The following LRP1B variants were observed in gnomAD, a reference collection of about 807,000 sequenced individuals.
LRP1B encodes LDL receptor related protein 1B.
LRP1B carries 217 observed loss-of-function variants against 556.6 expected under a neutral mutation model. The observed-to-expected ratio is 0.39, with a 90% CI of 0.35 to 0.44. The LOEUF is 0.44. Ranked by LOEUF, LRP1B falls within the 20% of genes least tolerant of loss-of-function variation. LRP1B has a pLI of 1.00. For synonymous variants in LRP1B, 2,047 were observed against 1,865.8 expected, an observed-to-expected ratio of 1.10 and a Z score of -2.50; for missense variants, 5,053 against 5,620.8, an observed-to-expected ratio of 0.90 and a Z score of 3.23.
intron 3 of LRP1B, among the ~76,000 whole-genome samples, chr2:141,292,347 G>A (rs1006022112): frequency 1.3e-5 from 2 of 152,120 alleles, no homozygotes; most frequent in East Asian, 3.9e-4. Context: ...CTAGGGTGCA[G>A]AGATAACCAG....
intron 2 of LRP1B, among the ~76,000 whole-genome samples, chr2:141,485,769 T>C (rs1461665594): frequency 6.6e-5 from 10 of 152,146 alleles, no homozygotes; most frequent in Non-Finnish European, 8.8e-5. Context: ...CATGGGATAA[T>C]GGGGGCTTCA....
At chr2:141,936,252 A>G (rs1700633374) in intron 1 of LRP1B, among the ~76,000 whole-genome samples, 1 of 152,192 alleles carries the variant, frequency 6.6e-6, no homozygotes, top group African/African-American at 2.4e-5. Flanking sequence ...CAAAACAAAA[A>G]GAACTATTTA....
intron 25 of LRP1B, among the ~76,000 whole-genome samples, chr2:140,882,761 G>A (rs913358139): frequency 1.3e-5 from 2 of 152,154 alleles, no homozygotes; most frequent in Non-Finnish European, 2.9e-5. Context: ...CCAGGAGGCC[G>A]ACTTAGACAT....
chr2:141,448,595 G>C (rs139068785), intron 3 of LRP1B, among the ~76,000 whole-genome samples: 1 of 152,234 alleles, frequency 6.6e-6, no homozygotes, highest in East Asian at 1.9e-4. Context: ...ATCTGGGCCG[G>C]ATTGCACCAT....
At chr2:141,150,496 A>G (rs1701894189) in intron 7 of LRP1B, among the ~76,000 whole-genome samples, 1 of 152,148 alleles carries the variant, frequency 6.6e-6, no homozygotes, top group African/African-American at 2.4e-5. Context: ...CCATCTATGC[A>G]TGTCAGAATT....
At chr2:141,949,398 C>T (rs1366224207) in intron 1 of LRP1B, among the ~76,000 whole-genome samples, 1 of 151,906 alleles carries the variant, frequency 6.6e-6, no homozygotes, top group East Asian at 1.9e-4. Flanking sequence ...AAAAATTATC[C>T]ATATATATAT....
Position 140,249,610 on chromosome 2 carries a change from A to G in LRP1B, c.13248-2448T>C, listed in dbSNP as rs1219558366. On this transcript the variant is annotated intron_variant, in intron 86 of 90. Transcript: ENST00000389484. ...ATCTTAATGTGCTGATGATCACTTT[A>G]CCATTCTCCTTATACTCCTTATAAA... 2.0e-5 allele frequency among the ~76,000 whole-genome samples: 3 copies of G among 151,910 alleles called. No homozygotes were observed. The East Asian group carries it at 5.8e-4, about 30-fold the overall frequency.
At chr2:141,058,640 T>C (rs1180281613) in intron 9 of LRP1B, among the ~76,000 whole-genome samples, 1 of 151,848 alleles carries the variant, frequency 6.6e-6, no homozygotes, top group East Asian at 1.9e-4. Flanking sequence ...GAAAGCCCCT[T>C]CCTGAATCTA....
intron 41 of LRP1B, among the ~76,000 whole-genome samples, chr2:140,674,708 G>A (rs574901625): frequency 9.5e-4 from 144 of 152,268 alleles, no homozygotes; most frequent in African/African-American, 3.4e-3. Flanking sequence ...GTGTTCTCAG[G>A]ACCTCCTGAG....
At chr2:140,598,603 A>G (rs529282930) in intron 43 of LRP1B, 28 bp downstream of exon 43, 11 of 1,546,886 alleles carry the variant, frequency 7.1e-6, no homozygotes, top group Admixed American at 1.7e-5. Context: ...GTATAACTCT[A>G]TAACCAAGAA....
At chr2:140,245,615 G>A (rs1681119526) in intron 87 of LRP1B, among the ~76,000 whole-genome samples, 2 of 151,418 alleles carry the variant, frequency 1.3e-5, no homozygotes, top group African/African-American at 4.8e-5. Flanking sequence ...TGCTTTTAAC[G>A]ATTGTTGAGT....
Position 140,776,167 on chromosome 2 carries a change from G to A in LRP1B, c.5431C>T (p.Pro1811Ser), listed in dbSNP as rs1357921036. ...GAAGTCTTATTCCGTAGGATGGTGG[G>A]GTTTCTTCCGTCTCTTTTGCTGCAG... Reference protein sequence around the residue: ...GTCSKRDGRNPTILRNKTSGV... With the variant: ...GTCSKRDGRNSTILRNKTSGV... Residue 1811 changes from proline (P) to serine (S), a missense_variant, in exon 33 of 91, where the codon CCC (proline) becomes TCC (serine). Physicochemically the swap from Pro to Ser is moderately conservative, Grantham distance 74. Transcript: ENST00000389484. 1 of 1,597,692 alleles carries A rather than the reference G, an allele frequency of 6.3e-7. No homozygotes were observed. The highest frequency in any genetic ancestry group is 1.4e-5 in the African/African-American group (1 of 73,302).
At chr2:140,819,084 C>T (rs1469747108) in intron 31 of LRP1B, among the ~76,000 whole-genome samples, 2 of 152,124 alleles carry the variant, frequency 1.3e-5, no homozygotes, top group Non-Finnish European at 2.9e-5. Context: ...TTCTGGCAGC[C>T]TTGCCCTTGC....
Position 140,837,463 on chromosome 2 carries a change from T to C in LRP1B, c.5209+2528A>G, listed in dbSNP as rs1029585098. ...TGCTGATTTAAGGTATAGTCAGTTATGCTAAAATAGTATGTCTTGTACAAA... is the reference window on the plus strand; with the variant it reads ...TGCTGATTTAAGGTATAGTCAGTTACGCTAAAATAGTATGTCTTGTACAAA... On this transcript the variant is annotated intron_variant, in intron 31 of 90. Coordinates refer to ENST00000389484, the MANE Select transcript of LRP1B (RefSeq NM_018557.3). 5.3e-5 allele frequency among the ~76,000 whole-genome samples: 8 copies of C among 152,316 alleles called. 1 individual carries two copies. The highest frequency in any genetic ancestry group is 8.8e-5 in the Non-Finnish European group (6 of 68,020).
At chr2:141,756,100 C>T (rs1207690278) in intron 2 of LRP1B, among the ~76,000 whole-genome samples, 1 of 152,000 alleles carries the variant, frequency 6.6e-6, no homozygotes, top group Non-Finnish European at 1.5e-5. Context: ...AACCTATCAC[C>T]TCCCAAATTC....
intron 12 of LRP1B, 119 bp downstream of exon 12, chr2:141,019,803 C>T (rs1698013254): frequency 4.3e-6 from 3 of 696,614 alleles, no homozygotes; most frequent in Admixed American, 3.3e-5. Context: ...CCCACTAAGA[C>T]CATTTGTGTG....
chr2:141,616,333 T>C (rs1389612875), intron 2 of LRP1B, among the ~76,000 whole-genome samples: 1 of 151,806 alleles, frequency 6.6e-6, no homozygotes, highest in Non-Finnish European at 1.5e-5. Flanking sequence ...GACATAAACT[T>C]TATATGAACA....
chr2:141,204,915 T>C (rs1262522593), intron 6 of LRP1B, among the ~76,000 whole-genome samples: 1 of 151,706 alleles, frequency 6.6e-6, no homozygotes, highest in African/African-American at 2.4e-5. Context: ...CTAGCCTGGG[T>C]GACAGAGCAA....
intron 7 of LRP1B, among the ~76,000 whole-genome samples, chr2:141,130,247 T>A (rs940915475): frequency 6.6e-6 from 1 of 152,062 alleles, no homozygotes; most frequent in Non-Finnish European, 1.5e-5. Flanking sequence ...CTAATTCATT[T>A]AACACACACT....
Sources: gnomAD v4.1 joint callset for allele counts (sites outside exome capture counted in the v4.1 genomes callset) on GRCh38, gnomAD v4.1.1 for gene constraint, MANE v1.5 for transcripts, NCBI Gene and HGNC (gene_info 2026-07-23, HGNC 2026-07-21) for gene names.